HIP1R: variants seen among roughly 807,000 people sequenced by gnomAD.
HIP1R encodes huntingtin-interacting protein 1-related protein.
A neutral mutation model predicts 144.2 loss-of-function variants in HIP1R; 135 were observed. That is an observed-to-expected ratio of 0.94 (90% CI 0.81 to 1.08). HIP1R has a LOEUF of 1.08. Among genes scored for constraint, HIP1R ranks in the 50% least tolerant of loss-of-function variants. The probability of loss-of-function intolerance (pLI) is 0.00; values close to 1 mark genes in which losing one functional copy is unlikely to be tolerated. For missense variants in HIP1R, 1,462 were observed against 1,432.8 expected, an observed-to-expected ratio of 1.02 and a Z score of -0.33; for synonymous variants, 698 against 612.8, an observed-to-expected ratio of 1.14 and a Z score of -2.05.
chr12:122,847,199 C>T (rs900422497), intron 1 of HIP1R, among the ~76,000 whole-genome samples: 2 of 152,074 alleles, frequency 1.3e-5, no homozygotes, highest in Non-Finnish European at 2.9e-5. Flanking sequence ...CCCCATGCCC[C>T]ACGGAGCCAG....
At chr12:122,847,227 G>A (rs1024491324) in intron 1 of HIP1R, among the ~76,000 whole-genome samples, 1 of 152,148 alleles carries the variant, frequency 6.6e-6, no homozygotes, top group African/African-American at 2.4e-5. Context: ...TTGTAGTGAT[G>A]GTACCGCCGT....
chr12:122,861,558 T>G (rs1261691333), intron 31 of HIP1R, 44 bp downstream of exon 31: 5 of 1,581,844 alleles, frequency 3.2e-6, no homozygotes, highest in Non-Finnish European at 2.6e-6. Context: ...ACGGGGGTGC[T>G]GTCCCCAGCC....
intron 27 of HIP1R, 47 bp from the exon 28 acceptor site, chr12:122,860,632 G>A (rs375144950): frequency 2.3e-5 from 37 of 1,580,386 alleles, no homozygotes; most frequent in African/African-American, 1.8e-4. Flanking sequence ...GGTGCCAGCC[G>A]TCCGTGGGGT....
rs557511808 is a variant in HIP1R at position 122,850,782 on chromosome 12, A to T, written c.439-53A>T. 8.0e-6 allele frequency: 8 copies of T among 999,232 alleles called. No individual in the cohort carries two copies. The East Asian group carries it at 3.5e-4, about 44-fold the overall frequency. 61.9% of individuals were successfully genotyped at this position (999,232 alleles called of 1,614,324 possible). On this transcript the variant is annotated intron_variant, in intron 5 of 31. Coordinates refer to ENST00000253083, the MANE Select transcript of HIP1R (RefSeq NM_003959.3). ...GGGGAGCCCTGGTTCGGTGGCCGCCAGGTGTGGGGGGGCCCTGGTTCAGTG... is the reference window on the plus strand; with the variant it reads ...GGGGAGCCCTGGTTCGGTGGCCGCCTGGTGTGGGGGGGCCCTGGTTCAGTG...
intron 1 of HIP1R, among the ~76,000 whole-genome samples, chr12:122,841,138 G>T (rs1174529287): frequency 1.4e-5 from 2 of 140,790 alleles, no homozygotes; most frequent in Non-Finnish European, 3.1e-5. Flanking sequence ...CCCCCTCCCC[G>T]CCCAACTTGG....
Position 122,860,194 on chromosome 12 carries a change from T to A in HIP1R, c.2543T>A (p.Ile848Asn). Residue 848 changes from isoleucine to asparagine, a missense_variant, in exon 26 of 32, where the codon ATC becomes AAC. By Grantham distance (149) the Ile-to-Asn change is moderately radical. Around this residue, in one of 2 missense-constraint regions of HIP1R, gnomAD observed 1,112 missense variants for 1,011.7 expected, o/e 1.10. Transcript: ENST00000253083. The stretch of plus-strand genomic sequence containing the variant: ...ACATCCACTAGCCTGCAGAAGGAGA[T>A]CGTGGAGAGCGGCAGGGTGAGGGGC... ...VTTSTSLQKE[I>N]VESGRGAATQ... The A allele has an allele frequency of 6.4e-7, 1 of 1,565,604 alleles. No homozygotes were observed.
Position 122,860,077 on chromosome 12 carries a change from G to A in HIP1R, c.2496G>A (p.Lys832=). ...TCAACTCCTGCACAGACCTGATGAA[G>A]GTGAGGGGCTGTGACCCGGGGGGGT... The part of the protein sequence containing the change: ...RILNSCTDLM[K]AIRLLVTTST... Residue 832 remains lysine (K), a splice_region_variant and synonymous_variant, in exon 25 of 32, where the codon AAG becomes AAA. Transcript: ENST00000253083. 1 of 1,576,318 alleles carries A rather than the reference G, an allele frequency of 6.3e-7. No homozygotes were observed.
rs749364683 is a variant in HIP1R at position 122,855,284 on chromosome 12, G to A, written c.872G>A (p.Arg291Gln). ...RLPEGPPNFL[R>Q]ASALAEHIKP... is the part of the protein sequence containing the mutation. The stretch of plus-strand genomic sequence containing the variant: ...CTGCAGGGACCCCCTAACTTCCTGC[G>A]GGCCTCAGCCCTGGCTGAGCACATC... The change falls in exon 11 of 32, where the codon CGG becomes CAG. Residue 291 changes from arginine (R) to glutamine (Q), a missense_variant. Around this residue, in one of 2 missense-constraint regions of HIP1R, gnomAD observed 350 missense variants for 421.1 expected, o/e 0.83. Transcript: ENST00000253083. The A allele has an allele frequency of 1.2e-6, 2 of 1,612,772 alleles. No homozygotes were observed. Among genetic ancestry groups the A allele is most frequent in the Non-Finnish European group, 8.5e-7 (1 of 1,179,912 alleles).
rs1337750650 is a variant in HIP1R at position 122,855,417 on chromosome 12, G to A, written c.993+12G>A. On this transcript the variant is annotated intron_variant, in intron 11 of 31. Coordinates refer to ENST00000253083, the MANE Select transcript of HIP1R (RefSeq NM_003959.3). Reference sequence around the variant, plus strand: ...CGGGGGAGCCAGTGGTGAGCCCCCTGCCCAGCCCGTGTCCCCCAGTCCTCC... The same window carrying A: ...CGGGGGAGCCAGTGGTGAGCCCCCTACCCAGCCCGTGTCCCCCAGTCCTCC... The A allele has an allele frequency of 1.3e-6, 2 of 1,555,976 alleles. No homozygotes were observed. Among genetic ancestry groups the A allele is most frequent in the Non-Finnish European group, 1.7e-6 (2 of 1,150,948 alleles).
chr12:122,847,162 G>A (rs1010315495), intron 1 of HIP1R, among the ~76,000 whole-genome samples: 1 of 13,914 alleles, frequency 7.2e-5, no homozygotes, highest in African/African-American at 2.9e-4. Context: ...CAGAGGTTTA[G>A]CAGACCTGTT....
At position 122,855,817 on chromosome 12, in the gene HIP1R, AC is replaced by A; in HGVS notation, c.1056-12del. Reference sequence around the variant, plus strand: ...TGGTTGACTTAACTTGAACCCCAGGACCTCTGTCCCCAGGGACCTCCAGATT... The same window carrying A: ...TGGTTGACTTAACTTGAACCCCAGGACTCTGTCCCCAGGGACCTCCAGATT... On this transcript the variant is annotated splice_polypyrimidine_tract_variant and intron_variant, in intron 12 of 31. Transcript: ENST00000253083. 6.4e-7 allele frequency: 1 copy of A among 1,551,188 alleles called. No homozygotes were observed. Among genetic ancestry groups the A allele is most frequent in the Non-Finnish European group, 8.7e-7 (1 of 1,146,226 alleles).
intron 27 of HIP1R, 36 bp from the exon 28 acceptor site, chr12:122,860,643 C>T (rs772118263): frequency 6.3e-7 from 1 of 1,597,842 alleles, no homozygotes; most frequent in African/African-American, 1.3e-5. Context: ...TCCGTGGGGT[C>T]AGAGACCCTG....
Position 122,859,757 on chromosome 12 carries a change from T to C in HIP1R, c.2407-15T>C. ...CCTCCTCCCAGCCAGCTCACGGCTC[T>C]GTTCTTGGGTGCAGGACATGATGAA... On this transcript the variant is annotated splice_polypyrimidine_tract_variant and intron_variant, in intron 23 of 31. Transcript: ENST00000253083. 6.2e-7 allele frequency: 1 copy of C among 1,611,448 alleles called. No homozygotes were observed. Among genetic ancestry groups the C allele is most frequent in the Non-Finnish European group, 8.5e-7 (1 of 1,178,664 alleles).
intron 18 of HIP1R, chr12:122,857,601 T>C (rs2033627646): frequency 2.5e-6 from 1 of 394,734 alleles, no homozygotes; most frequent in African/African-American, 2.0e-5. Flanking sequence ...CTGATGTGTG[T>C]GGAACACAGT....
intron 29 of HIP1R, 28 bp from the exon 30 acceptor site, chr12:122,861,103 T>C: frequency 6.2e-7 from 1 of 1,613,414 alleles, no homozygotes. Context: ...GGTGCCCAGA[T>C]GTTCACCCCC....
chr12:122,858,882 G>C lies in HIP1R; in HGVS notation c.2095G>C (p.Ala699Pro). 6.2e-7 allele frequency: 1 copy of C among 1,613,278 alleles called. No homozygotes were observed. Among genetic ancestry groups the C allele is most frequent in the Non-Finnish European group, 8.5e-7 (1 of 1,180,016 alleles). The change falls in exon 21 of 32, where the codon GCT becomes CCT. Residue 699 changes from alanine to proline, a missense_variant. Physicochemically the swap from Ala to Pro is conservative, Grantham distance 27 (BLOSUM62 -1). Coordinates refer to ENST00000253083, the MANE Select transcript of HIP1R (RefSeq NM_003959.3). ...AGCTCTGACCCGCTTCTCCCACCTGGCTGCGGATACCATCATCAATGGCGG... is the reference window on the plus strand; with the variant it reads ...AGCTCTGACCCGCTTCTCCCACCTGCCTGCGGATACCATCATCAATGGCGG... ...VAALTRFSHL[A>P]ADTIINGGAT...
intron 22 of HIP1R, 90 bp from the exon 23 acceptor site, chr12:122,859,336 C>A: frequency 6.8e-7 from 1 of 1,466,612 alleles, no homozygotes; most frequent in Non-Finnish European, 9.5e-7. Flanking sequence ...GCACCCTCCT[C>A]GATCCCTGTG....
chr12:122,835,837 C>G (rs1271365766), intron 1 of HIP1R, among the ~76,000 whole-genome samples, 194 bp downstream of exon 1: 2 of 149,288 alleles, frequency 1.3e-5, no homozygotes, highest in Non-Finnish European at 3.0e-5. Context: ...CTCCGCGGCC[C>G]GAGCCGACCG....
intron 8 of HIP1R, 106 bp downstream of exon 8, chr12:122,854,289 A>C (rs1457138347): frequency 1.1e-6 from 1 of 925,200 alleles, no homozygotes; most frequent in Non-Finnish European, 1.5e-6. Flanking sequence ...TTCATTTAAA[A>C]ATGGCAGTAA....
Sources: gnomAD v4.1 joint callset for allele counts (sites outside exome capture counted in the v4.1 genomes callset) on GRCh38, gnomAD v4.1.1 for gene constraint, gnomAD v4.1.1 regional missense constraint, MANE v1.5 for transcripts, NCBI Gene and HGNC (gene_info 2026-07-23, HGNC 2026-07-21) for gene names.